Variants in ARID1B observed in about 807,000 individuals in gnomAD.
ARID1B encodes the protein AT-rich interaction domain 1B, also known as AT-rich interactive domain-containing protein 1B.
In ARID1B, 30 loss-of-function variants were observed where a neutral mutation model predicts 212.3. The observed-to-expected ratio is 0.14, with a 90% confidence interval of 0.11 to 0.19. The LOEUF (loss-of-function observed/expected upper bound fraction) is 0.19, where lower values mean the gene tolerates loss of function less well. ARID1B is among the 10% of genes least tolerant of loss of function. The pLI is 1.00. For synonymous variants in ARID1B, 1,402 were observed against 1,301.7 expected (o/e 1.08, Z -1.66); for missense variants, 2,891 against 3,204.0 (o/e 0.90, Z 2.36).
chr6:156,799,534 A>G (rs984669308), intron 1 of ARID1B, among the ~76,000 whole-genome samples: 2 of 152,214 alleles, frequency 1.3e-5, no homozygotes, highest in African/African-American at 2.4e-5. Context: ...GCTGGAGTGC[A>G]GTGGTGCTAT....
At chr6:157,141,151 T>C (rs2128609668) in intron 7 of ARID1B, 1 of 153,024 alleles carries the variant, frequency 6.5e-6, no homozygotes, top group Admixed American at 6.5e-5. Flanking sequence ...GAGCAGTACC[T>C]GGTATATTAT....
chr6:157,149,181 C>G (rs1002310088), intron 8 of ARID1B: 2 of 556,514 alleles, frequency 3.6e-6, no homozygotes, highest in South Asian at 2.3e-5. Context: ...GTGAGCACAT[C>G]AGTCGTGGGA....
At chr6:156,800,346 T>C (rs1044512608) in intron 1 of ARID1B, among the ~76,000 whole-genome samples, 2 of 152,212 alleles carry the variant, frequency 1.3e-5, no homozygotes, top group Non-Finnish European at 2.9e-5. Context: ...TCCAACACTT[T>C]GGGAGGCCGA....
intron 8 of ARID1B, among the ~76,000 whole-genome samples, chr6:157,165,813 G>A (rs1791285819): frequency 6.6e-6 from 1 of 152,156 alleles, no homozygotes; most frequent in Non-Finnish European, 1.5e-5. Flanking sequence ...CTGCGCCACT[G>A]CACTTCAGCC....
In ARID1B at chr6:157,200,027, C is replaced by G. The variant is rs1165044436; in HGVS notation, c.4480-678C>G. ...AGTTTTCAAGTAAAGTGGAAAACAT[C>G]AGCATCTCACTGCCTCCCATCAGAG... On this transcript the variant is annotated intron_variant, in intron 17 of 19. Coordinates refer to ENST00000636930, the MANE Select transcript of ARID1B (RefSeq NM_001374828.1). This position sits in a 1 kb window ranked among gnomAD's most constrained non-coding sequence, Gnocchi z 4.3. 6.6e-6 allele frequency among the ~76,000 whole-genome samples: 1 copy of G among 152,160 alleles called. No homozygotes were observed. The highest frequency in any genetic ancestry group is 1.5e-5 in the Non-Finnish European group (1 of 68,022).
chr6:157,179,535 G>A (rs1792360809), intron 11 of ARID1B, among the ~76,000 whole-genome samples: 1 of 152,080 alleles, frequency 6.6e-6, no homozygotes, highest in Admixed American at 6.5e-5. Context: ...ATCTAAAGTG[G>A]TTTTTAAGTG....
intron 4 of ARID1B, among the ~76,000 whole-genome samples, chr6:157,078,825 C>T (rs1170229067): frequency 6.6e-6 from 1 of 152,166 alleles, no homozygotes; most frequent in Non-Finnish European, 1.5e-5. Flanking sequence ...CTACAAATGT[C>T]CCCCTTAAAA....
chr6:156,964,314 A>G (rs911204909), intron 4 of ARID1B, among the ~76,000 whole-genome samples: 2 of 152,194 alleles, frequency 1.3e-5, no homozygotes, highest in African/African-American at 4.8e-5. Flanking sequence ...TCATTTTGAA[A>G]ATTTATTGGT....
At chr6:157,058,820 A>G (rs546216321) in intron 4 of ARID1B, among the ~76,000 whole-genome samples, 2 of 152,300 alleles carry the variant, frequency 1.3e-5, no homozygotes, top group South Asian at 4.1e-4. Context: ...GACCAGCGAT[A>G]TGTGGTTAAT....
At chr6:156,785,045 C>T (rs1219396827) in intron 1 of ARID1B, among the ~76,000 whole-genome samples, 5 of 152,204 alleles carry the variant, frequency 3.3e-5, no homozygotes, top group African/African-American at 7.2e-5. Flanking sequence ...CAGATGTGAA[C>T]CATCCTGCCA....
rs2128317932 is a variant in ARID1B at position 157,181,186 on chromosome 6, T to A, written c.3714+8T>A. The A allele has an allele frequency of 6.2e-7, 1 of 1,613,396 alleles. No homozygotes were observed. The highest frequency in any genetic ancestry group is 1.1e-5 in the South Asian group (1 of 91,052). On this transcript the variant is annotated splice_region_variant and intron_variant, in intron 12 of 19. Transcript: ENST00000636930. ...ATCGGGGGTTTGGCCCAGGTAAGAA[T>A]GAGTGAGGGAGGGGGTGAAAAAGGA...
chr6:157,049,300 G>T (rs747741649), intron 4 of ARID1B, among the ~76,000 whole-genome samples: 7 of 152,124 alleles, frequency 4.6e-5, no homozygotes, highest in Non-Finnish European at 8.8e-5. Context: ...TCTCTGGCCA[G>T]AGTGCTCCTC....
intron 4 of ARID1B, among the ~76,000 whole-genome samples, chr6:157,032,259 G>T (rs1257871892): frequency 6.6e-6 from 1 of 152,150 alleles, no homozygotes; most frequent in South Asian, 2.1e-4. Flanking sequence ...GCATTTTCCC[G>T]TGTTACAAAC....
chr6:157,105,402 A>G (rs114084116), intron 5 of ARID1B, among the ~76,000 whole-genome samples: 2,757 of 151,814 alleles, frequency 0.018, 85 homozygotes, highest in African/African-American at 0.064. Flanking sequence ...GAAGATATTC[A>G]CAATATATAC....
intron 6 of ARID1B, among the ~76,000 whole-genome samples, chr6:157,121,289 C>T (rs557552772): frequency 1.3e-5 from 2 of 152,280 alleles, no homozygotes; most frequent in South Asian, 2.1e-4. Flanking sequence ...CAACATTGCC[C>T]TGTTTAAGTT....
intron 4 of ARID1B, among the ~76,000 whole-genome samples, chr6:156,948,017 A>C (rs1038184415): frequency 1.3e-5 from 2 of 152,208 alleles, no homozygotes; most frequent in Non-Finnish European, 2.9e-5. Flanking sequence ...TCCAGTCATG[A>C]CAGCAGCTCC....
intron 4 of ARID1B, among the ~76,000 whole-genome samples, chr6:157,068,094 A>T (rs530054277): frequency 6.6e-6 from 1 of 152,238 alleles, no homozygotes; most frequent in South Asian, 2.1e-4. Context: ...TTCACAAAAC[A>T]TTCTGTCTTC....
At chr6:157,077,380 T>C (rs1204847042) in intron 4 of ARID1B, among the ~76,000 whole-genome samples, 2 of 152,190 alleles carry the variant, frequency 1.3e-5, no homozygotes, top group Admixed American at 1.3e-4. Context: ...TTCCTAAAAA[T>C]GTAGGCCCCT....
chr6:156,790,839 T>C (rs980885810), intron 1 of ARID1B, among the ~76,000 whole-genome samples: 1 of 152,238 alleles, frequency 6.6e-6, no homozygotes, highest in African/African-American at 2.4e-5. Flanking sequence ...CACTCTGATA[T>C]TGGTCGGAGA....
Sources: allele counts gnomAD v4.1 joint callset (sites outside exome capture counted in the v4.1 genomes callset), GRCh38; gene constraint gnomAD v4.1.1; non-coding constraint Gnocchi (gnomAD v3.1); transcripts MANE v1.5; gene names NCBI Gene and HGNC (gene_info 2026-07-23, HGNC 2026-07-21).